Variants in NBPF15 observed in about 807,000 individuals in gnomAD.
NBPF15 encodes NBPF member 15, also known as NBPF family member NBPF15.
NBPF15 carries 74 observed loss-of-function variants against 62.2 expected under a neutral mutation model. The ratio of observed to expected loss-of-function variants is 1.19; its 90% CI spans 0.99 to 1.44. The LOEUF is 1.44. Ranked by LOEUF, NBPF15 falls within the 40% of genes most tolerant of loss-of-function variation. NBPF15 has a pLI of 0.00. For missense variants in NBPF15, 790 were observed against 550.0 expected (o/e 1.44, Z -4.36); for synonymous variants, 244 against 209.7 (o/e 1.16, Z -1.41).
intron 8 of NBPF15, among the ~76,000 whole-genome samples, chr1:144,438,844 T>C (rs1226008410): frequency 3.9e-5 from 6 of 151,906 alleles, no homozygotes; most frequent in Non-Finnish European, 8.8e-5. Flanking sequence ...CAGTCCCTGC[T>C]CTGTACACTG....
chr1:144,424,224 T>G (rs1667920683), intron 20 of NBPF15, among the ~76,000 whole-genome samples: 1 of 152,010 alleles, frequency 6.6e-6, no homozygotes, highest in Non-Finnish European at 1.5e-5. Context: ...CCCAAGTTTG[T>G]GCAAACAGTT....
chr1:144,444,444 C>T (rs1461517677), intron 6 of NBPF15, among the ~76,000 whole-genome samples: 17 of 151,706 alleles, frequency 1.1e-4, no homozygotes, highest in African/African-American at 3.6e-4. Context: ...AAGAAACTCC[C>T]CAGGCCTCCA....
chr1:144,434,722 G>T (rs76239594), intron 12 of NBPF15, among the ~76,000 whole-genome samples: 5 of 151,490 alleles, frequency 3.3e-5, no homozygotes, highest in Non-Finnish European at 7.4e-5. Context: ...CCTGAGGAAC[G>T]ATATTTCCAA....
At chr1:144,441,776 A>T (rs1553542705) in intron 6 of NBPF15, among the ~76,000 whole-genome samples, 3 of 151,646 alleles carry the variant, frequency 2.0e-5, no homozygotes, top group African/African-American at 7.3e-5. Context: ...ATCTTAAGTT[A>T]ATTTCAATAT....
At chr1:144,435,030 T>G in intron 12 of NBPF15, 81 bp downstream of exon 12, 4 of 1,610,550 alleles carry the variant, frequency 2.5e-6, no homozygotes, top group Non-Finnish European at 3.4e-6. Context: ...TCAAATGAAT[T>G]TGTGTTGATA....
intron 4 of NBPF15, among the ~76,000 whole-genome samples, chr1:144,451,407 TC>T (rs1180056071): frequency 1.3e-5 from 2 of 150,970 alleles, no homozygotes; most frequent in African/African-American, 4.9e-5. Flanking sequence ...AAAGAGGCCT[TC>T]CTTCCTCTTT....
chr1:144,459,785 C>T (rs1356348473), intron 2 of NBPF15, among the ~76,000 whole-genome samples: 1 of 151,692 alleles, frequency 6.6e-6, no homozygotes, highest in Non-Finnish European at 1.5e-5. Context: ...TTACTGCACC[C>T]CTACTAGAAT....
Position 144,452,500 on chromosome 1 carries a change from T to C in NBPF15, c.-431-1630A>G, listed in dbSNP as rs587742324. Among the ~76,000 whole-genome samples, 372 of 151,588 alleles carry C rather than the reference T, an allele frequency of 2.5e-3. 5 individuals carry two copies. Among genetic ancestry groups the C allele is most frequent in the African/African-American group, 8.5e-3 (350 of 41,102 alleles). The stretch of plus-strand genomic sequence containing the variant: ...TATTTATTCTATTCAGACCCAGTCA[T>C]GGGGACCAGGGATTAGGAAATGACT... On this transcript the variant is annotated intron_variant, in intron 4 of 21. Coordinates refer to ENST00000581897, the MANE Select transcript of NBPF15 (RefSeq NM_001385408.1).
At chr1:144,446,514 C>T (rs1355053900) in intron 6 of NBPF15, among the ~76,000 whole-genome samples, 1 of 152,282 alleles carries the variant, frequency 6.6e-6, no homozygotes, top group Non-Finnish European at 1.5e-5. Context: ...AATAGAAAAG[C>T]ATTCAATCTT....
intron 4 of NBPF15, among the ~76,000 whole-genome samples, chr1:144,451,512 C>A (rs1691135765): frequency 6.6e-6 from 1 of 151,854 alleles, no homozygotes; most frequent in African/African-American, 2.4e-5. Context: ...CAGACTATCA[C>A]ATGGGGAGAA....
intron 13 of NBPF15, among the ~76,000 whole-genome samples, chr1:144,431,668 G>T (rs1674443426): frequency 9.8e-6 from 1 of 101,968 alleles, no homozygotes; most frequent in Non-Finnish European, 1.9e-5. Context: ...ACAGGCCCCA[G>T]TGTGTGATGT....
At chr1:144,427,359 G>A (rs1257558625) in intron 16 of NBPF15, among the ~76,000 whole-genome samples, 2 of 128,260 alleles carry the variant, frequency 1.6e-5, no homozygotes, top group African/African-American at 3.2e-5. Context: ...AAATGGTTAT[G>A]CCATATTTTT....
At chr1:144,428,816 G>T (rs1671974565) in intron 14 of NBPF15, among the ~76,000 whole-genome samples, 159 bp from the exon 15 acceptor site, 1 of 151,908 alleles carries the variant, frequency 6.6e-6, no homozygotes, top group African/African-American at 2.4e-5. Flanking sequence ...GTCAAGTCTT[G>T]AGAAAACTGG....
chr1:144,442,188 T>TCTTA (rs1683722096), intron 6 of NBPF15, among the ~76,000 whole-genome samples: 1 of 111,476 alleles, frequency 9.0e-6, no homozygotes, highest in African/African-American at 3.7e-5. Context: ...ATAATATATA[T>TCTTA]ACACGTGTAT....
At chr1:144,424,035 T>A in intron 20 of NBPF15, 60 bp from the exon 21 acceptor site, 1 of 759,886 alleles carries the variant, frequency 1.3e-6, no homozygotes, top group Non-Finnish European at 2.4e-6. Context: ...CATATAACAA[T>A]CCACTGTCTA....
intron 6 of NBPF15, among the ~76,000 whole-genome samples, chr1:144,442,208 TAA>T (rs1553542913): frequency 4.9e-5 from 5 of 102,658 alleles, no homozygotes; most frequent in South Asian, 2.9e-4. Flanking sequence ...TATATATTAT[TAA>T]TATATATAAT....
intron 3 of NBPF15, among the ~76,000 whole-genome samples, chr1:144,457,963 T>G (rs1649399590): frequency 6.6e-6 from 1 of 151,742 alleles, no homozygotes; most frequent in Non-Finnish European, 1.5e-5. Context: ...GGTGCATGCC[T>G]GTAGACCCAG....
rs1653054981 is a variant in NBPF15, at chr1:144,461,484, GC to G, written c.-1042del. 1 of 152,714 alleles carries G rather than the reference GC, an allele frequency of 6.5e-6. No homozygotes were observed. The highest frequency in any genetic ancestry group is 1.5e-5 in the Non-Finnish European group (1 of 68,580). The allele number at this position is 152,714 out of a possible 1,614,324, so 9.5% of individuals were successfully genotyped here. On this transcript the variant is annotated 5_prime_UTR_variant, in exon 1 of 22. Transcript: ENST00000581897. ...GACGGCATCCGTGCGCCACGCCTCG[GC>G]CCGCTCCTGGCGCCACAGGTCGCCC...
intron 20 of NBPF15, among the ~76,000 whole-genome samples, chr1:144,424,269 C>A (rs1460734341): frequency 1.3e-5 from 2 of 151,634 alleles, no homozygotes; most frequent in South Asian, 2.1e-4. Context: ...AAAGCAAATA[C>A]CCTCAAATGA....
Sources: allele counts gnomAD v4.1 joint callset (sites outside exome capture counted in the v4.1 genomes callset), GRCh38; gene constraint gnomAD v4.1.1; transcripts MANE v1.5; gene names NCBI Gene and HGNC (gene_info 2026-07-23, HGNC 2026-07-21).